MCC: variants seen among roughly 807,000 people sequenced by gnomAD.
MCC encodes colorectal mutant cancer protein.
Under a neutral mutation model 116.2 loss-of-function variants are expected in MCC, and 90 were observed. That is an observed-to-expected ratio of 0.77 (90% CI 0.65 to 0.92). MCC has a LOEUF of 0.92. Ranked by LOEUF, MCC falls within the 40% of genes least tolerant of loss-of-function variation. The pLI is 0.00. For synonymous variants in MCC, 578 were observed against 510.5 expected (o/e 1.13, Z -1.78); for missense variants, 1,516 against 1,312.2 (o/e 1.16, Z -2.40).
At chr5:113,191,365 C>T (rs892043725) in intron 3 of MCC, among the ~76,000 whole-genome samples, 4 of 152,186 alleles carry the variant, frequency 2.6e-5, no homozygotes, top group African/African-American at 7.2e-5. Flanking sequence ...CACTTTTTAA[C>T]ATCTCTCCTT....
In MCC at chr5:113,294,243, G is replaced by C. The variant is rs1309848618; in HGVS notation, c.627+46276C>G. On this transcript the variant is annotated intron_variant, in intron 3 of 18. Coordinates refer to ENST00000408903, the MANE Select transcript of MCC (RefSeq NM_001085377.2). ...TGGGAGCACAGGGGGATAGGGTGTA[G>C]GGCTGTGGGGAGGTCGAGGGGAGGG... 3 of 1,560,688 alleles carry C rather than the reference G, an allele frequency of 1.9e-6. No homozygotes were observed. The East Asian group carries it at 6.7e-5, about 35-fold the overall frequency.
intron 16 of MCC, 128 bp downstream of exon 16, chr5:113,048,965 A>C: frequency 4.8e-6 from 4 of 825,874 alleles, no homozygotes. Context: ...ATACCTACGA[A>C]TGGCCTGCAT....
chr5:113,187,429 A>G (rs890377089), intron 3 of MCC, among the ~76,000 whole-genome samples: 2 of 152,176 alleles, frequency 1.3e-5, no homozygotes, highest in East Asian at 3.9e-4. Context: ...CCTTTTAAGA[A>G]GATGAGGCTA....
chr5:113,056,606 A>G (rs1752851015), intron 14 of MCC, among the ~76,000 whole-genome samples: 1 of 152,222 alleles, frequency 6.6e-6, no homozygotes, highest in Non-Finnish European at 1.5e-5. Context: ...GAGGATCGGA[A>G]AAAATGACTA....
intron 1 of MCC, among the ~76,000 whole-genome samples, chr5:113,439,740 A>C (rs1301001618): frequency 6.6e-6 from 1 of 152,214 alleles, no homozygotes; most frequent in Non-Finnish European, 1.5e-5. Flanking sequence ...TAGGGACTAT[A>C]ATAGTTTCTA....
chr5:113,039,057 A>C (rs1160478927), intron 17 of MCC, among the ~76,000 whole-genome samples: 2 of 151,984 alleles, frequency 1.3e-5, no homozygotes, highest in Non-Finnish European at 2.9e-5. Flanking sequence ...GGCTCGCCCC[A>C]CCCTGCTCCT....
At chr5:113,397,288 C>G (rs915032327) in intron 1 of MCC, among the ~76,000 whole-genome samples, 1 of 152,140 alleles carries the variant, frequency 6.6e-6, no homozygotes, top group Admixed American at 6.5e-5. Flanking sequence ...TAATTAACAT[C>G]CTACACTGGC....
At chr5:113,341,875 G>A (rs1768024475) in intron 2 of MCC, among the ~76,000 whole-genome samples, 1 of 152,118 alleles carries the variant, frequency 6.6e-6, no homozygotes, top group African/African-American at 2.4e-5. Context: ...TGGGGAACAG[G>A]TGGTGTTTGG....
intron 3 of MCC, among the ~76,000 whole-genome samples, chr5:113,200,681 A>T (rs1184027693): frequency 6.6e-6 from 1 of 152,216 alleles, no homozygotes; most frequent in Non-Finnish European, 1.5e-5. Flanking sequence ...TTAAAAAGCA[A>T]ACAAAGAAAA....
chr5:113,486,422 C>G (rs552326293), intron 1 of MCC, among the ~76,000 whole-genome samples: 1 of 152,064 alleles, frequency 6.6e-6, no homozygotes, highest in South Asian at 2.1e-4. Context: ...GTAGAATCAC[C>G]GAAAATAATG....
intron 7 of MCC, 137 bp downstream of exon 7, chr5:113,104,055 G>C (rs1756586830): frequency 4.7e-6 from 4 of 849,332 alleles, no homozygotes; most frequent in Non-Finnish European, 6.8e-6. Flanking sequence ...TCTACACCGT[G>C]GCTCAATCTA....
chr5:113,156,148 C>G (rs1431101092), intron 3 of MCC, among the ~76,000 whole-genome samples: 2 of 152,178 alleles, frequency 1.3e-5, no homozygotes, highest in African/African-American at 4.8e-5. Context: ...ACCACCTAAC[C>G]CCAGACTTCT....
intron 16 of MCC, among the ~76,000 whole-genome samples, chr5:113,046,685 CAAAAA>C (rs151183145): frequency 0.11 from 6,392 of 58,414 alleles, 575 homozygotes; most frequent in African/African-American, 0.25. Context: ...ACTCAAAAGG[CAAAAA>C]AAAAAAAAAA....
intron 11 of MCC, among the ~76,000 whole-genome samples, chr5:113,077,010 G>C (rs1754504586): frequency 6.6e-6 from 1 of 152,162 alleles, no homozygotes; most frequent in Non-Finnish European, 1.5e-5. Context: ...TGCAATCCTA[G>C]TCTCTGATAA....
At chr5:113,236,564 A>G (rs1052659762) in intron 3 of MCC, among the ~76,000 whole-genome samples, 34 of 152,238 alleles carry the variant, frequency 2.2e-4, no homozygotes, top group African/African-American at 8.2e-4. Context: ...GATTCATTAG[A>G]TTATGAATTA....
chr5:113,229,527 A>G (rs1307764206), intron 3 of MCC, among the ~76,000 whole-genome samples: 1 of 152,204 alleles, frequency 6.6e-6, no homozygotes, highest in Non-Finnish European at 1.5e-5. Flanking sequence ...CCTGAGGATT[A>G]CTGGCCCAAA....
intron 1 of MCC, among the ~76,000 whole-genome samples, chr5:113,400,564 A>G (rs1017902528): frequency 1.6e-4 from 25 of 152,322 alleles, no homozygotes; most frequent in African/African-American, 6.0e-4. Flanking sequence ...TATCTTCACA[A>G]TGATTTGTAA....
In MCC at chr5:113,182,199, G is replaced by A. The variant is rs900311108; in HGVS notation, c.628-30777C>T. Among the ~76,000 whole-genome samples, 6 of 152,332 alleles carry A rather than the reference G, an allele frequency of 3.9e-5. No homozygotes were observed. The East Asian group carries it at 7.7e-4, about 20-fold the overall frequency. On this transcript the variant is annotated intron_variant, in intron 3 of 18. Coordinates refer to ENST00000408903, the MANE Select transcript of MCC (RefSeq NM_001085377.2). ...TTAAGGGGGTTTTTATAGTAGAGAA[G>A]GGACTGAACTGCATTTACACACATT...
At chr5:113,075,458 G>A (rs563794733) in intron 11 of MCC, among the ~76,000 whole-genome samples, 23 of 152,370 alleles carry the variant, frequency 1.5e-4, no homozygotes, top group African/African-American at 3.1e-4. Context: ...CTCCGCCAGC[G>A]GTCCCAGCGC....
Sources: allele counts gnomAD v4.1 joint callset (sites outside exome capture counted in the v4.1 genomes callset), GRCh38; gene constraint gnomAD v4.1.1; transcripts MANE v1.5; gene names NCBI Gene and HGNC (gene_info 2026-07-23, HGNC 2026-07-21).